The following SNX13 variants were observed in gnomAD, a reference collection of about 807,000 sequenced individuals.
The protein encoded by SNX13 is sorting nexin 13, also known as sorting nexin-13.
A neutral mutation model predicts 133.6 loss-of-function variants in SNX13; 45 were observed. The observed-to-expected ratio is 0.34, with a 90% CI of 0.27 to 0.43. The LOEUF (loss-of-function observed/expected upper bound fraction) is 0.43. SNX13 is among the 20% of genes least tolerant of loss of function. The pLI is 1.00. For missense variants in SNX13, 1,032 were observed against 1,145.1 expected (o/e 0.90, Z 1.43); for synonymous variants, 414 against 373.9 (o/e 1.11, Z -1.24).
At chr7:17,887,979 C>A (rs1412143575) in intron 5 of SNX13, among the ~76,000 whole-genome samples, 1 of 151,998 alleles carries the variant, frequency 6.6e-6, no homozygotes, top group African/African-American at 2.4e-5. Flanking sequence ...CAGTATACAG[C>A]AGACAGCACA....
intron 19 of SNX13, 46 bp downstream of exon 19, chr7:17,816,136 G>A: frequency 1.3e-6 from 2 of 1,489,792 alleles, no homozygotes; most frequent in East Asian, 2.5e-5. Flanking sequence ...ACACCTGTGT[G>A]CTATATTAAA....
At chr7:17,908,830 T>A (rs1278019717) in intron 1 of SNX13, among the ~76,000 whole-genome samples, 1 of 152,062 alleles carries the variant, frequency 6.6e-6, no homozygotes, top group Admixed American at 6.6e-5. Context: ...ATTACAAGAC[T>A]TTAGGAAGGA....
chr7:17,849,682 C>T (rs988681515), intron 11 of SNX13, among the ~76,000 whole-genome samples: 5 of 152,166 alleles, frequency 3.3e-5, no homozygotes, highest in Non-Finnish European at 7.3e-5. Flanking sequence ...TCCATACCAA[C>T]CACAACAACC....
At chr7:17,825,934 T>A in intron 17 of SNX13, 88 bp downstream of exon 17, 1 of 887,614 alleles carries the variant, frequency 1.1e-6, no homozygotes, top group Non-Finnish European at 1.7e-6. Context: ...AACAAAAAAA[T>A]GGTTAGTAAA....
At chr7:17,815,065 T>A (rs756669576) in intron 19 of SNX13, 121 bp from the exon 20 acceptor site, 1 of 1,146,952 alleles carries the variant, frequency 8.7e-7, no homozygotes, top group Non-Finnish European at 1.1e-6. Flanking sequence ...TATTGATTTA[T>A]ATTTTTAAAA....
chr7:17,805,242 T>TGC (rs1429340429), intron 20 of SNX13, among the ~76,000 whole-genome samples: 4 of 109,482 alleles, frequency 3.7e-5, no homozygotes, highest in Admixed American at 9.5e-5. Context: ...TGTGTGTGTG[T>TGC]GTGTGTGTGC....
At chr7:17,927,620 G>A (rs1486192749) in intron 1 of SNX13, among the ~76,000 whole-genome samples, 1 of 152,050 alleles carries the variant, frequency 6.6e-6, no homozygotes, top group Admixed American at 6.6e-5. Flanking sequence ...TCTTTAGATT[G>A]CCTGTCCTTA....
chr7:17,907,506 T>C (rs1798526508), intron 1 of SNX13, among the ~76,000 whole-genome samples: 2 of 152,132 alleles, frequency 1.3e-5, no homozygotes, highest in African/African-American at 2.4e-5. Flanking sequence ...TAAAAATCTG[T>C]AAAAATCAGG....
intron 18 of SNX13, among the ~76,000 whole-genome samples, chr7:17,817,223 C>T (rs1349566079): frequency 6.6e-6 from 1 of 152,160 alleles, no homozygotes; most frequent in Non-Finnish European, 1.5e-5. Flanking sequence ...GGTCCATCAT[C>T]GTAATCTGTA....
At chr7:17,818,510 T>C (rs1786926265) in intron 18 of SNX13, among the ~76,000 whole-genome samples, 2 of 152,312 alleles carry the variant, frequency 1.3e-5, no homozygotes, top group South Asian at 2.1e-4. Flanking sequence ...TTATACTCTA[T>C]ATTAACTCAT....
intron 15 of SNX13, among the ~76,000 whole-genome samples, chr7:17,832,684 A>G (rs1788640958): frequency 6.6e-6 from 1 of 151,468 alleles, no homozygotes; most frequent in African/African-American, 2.4e-5. Context: ...CATTCAACTC[A>G]GAGAAGAACT....
chr7:17,794,446 A>G, intron 25 of SNX13, 154 bp from the exon 26 acceptor site: 1 of 884,564 alleles, frequency 1.1e-6, no homozygotes, highest in Non-Finnish European at 1.7e-6. Context: ...GCTGAAACTT[A>G]ATATGCATCT....
At chr7:17,930,226 C>G (rs1367312764) in intron 1 of SNX13, among the ~76,000 whole-genome samples, 2 of 152,150 alleles carry the variant, frequency 1.3e-5, no homozygotes, top group Admixed American at 6.6e-5. Context: ...GAGGTCAGTA[C>G]CATTCATTTA....
chr7:17,900,442 T>G (rs2128002523), intron 1 of SNX13, among the ~76,000 whole-genome samples: 1 of 152,336 alleles, frequency 6.6e-6, no homozygotes, highest in South Asian at 2.1e-4. Flanking sequence ...GAGATGCTTC[T>G]GGAAGCCAGG....
chr7:17,811,723 A>T (rs1786047513), intron 20 of SNX13, among the ~76,000 whole-genome samples: 1 of 152,264 alleles, frequency 6.6e-6, no homozygotes, highest in Admixed American at 6.5e-5. Flanking sequence ...AGCTGGAGGC[A>T]TCATGCTACC....
intron 9 of SNX13, among the ~76,000 whole-genome samples, chr7:17,853,049 G>A (rs1219551638): frequency 3.9e-5 from 6 of 152,202 alleles, no homozygotes; most frequent in Non-Finnish European, 7.3e-5. Context: ...GTATAAAAGA[G>A]TTGGTCAGAA....
intron 9 of SNX13, among the ~76,000 whole-genome samples, chr7:17,858,208 T>G (rs1406433572): frequency 1.3e-5 from 2 of 152,020 alleles, no homozygotes; most frequent in African/African-American, 2.4e-5. Context: ...ATAAAGAGTA[T>G]CCTAATTGGA....
At chr7:17,848,206 A>G (rs1790781938) in intron 11 of SNX13, among the ~76,000 whole-genome samples, 1 of 152,162 alleles carries the variant, frequency 6.6e-6, no homozygotes, top group Non-Finnish European at 1.5e-5. Context: ...AACTTCGGAA[A>G]GAATCCAAAT....
intron 9 of SNX13, among the ~76,000 whole-genome samples, chr7:17,864,155 T>C (rs915254023): frequency 6.6e-6 from 1 of 151,978 alleles, no homozygotes; most frequent in African/African-American, 2.4e-5. Context: ...ACCAAGAACA[T>C]CCAGGAAAAC....
Sources: allele counts gnomAD v4.1 joint callset (sites outside exome capture counted in the v4.1 genomes callset), GRCh38; gene constraint gnomAD v4.1.1; transcripts MANE v1.5; gene names NCBI Gene and HGNC (gene_info 2026-07-23, HGNC 2026-07-21).